DNMT1: variants seen among roughly 807,000 people sequenced by gnomAD.
DNMT1 encodes DNA methyltransferase 1, also known as DNA (cytosine-5)-methyltransferase 1.
In DNMT1, 24 loss-of-function variants were observed where a neutral mutation model predicts 205.3. The observed-to-expected ratio is 0.12, with a 90% CI of 0.08 to 0.16. The LOEUF is 0.16. DNMT1 is among the 10% of genes least tolerant of loss of function. DNMT1 has a pLI of 1.00. For missense variants in DNMT1, 1,293 were observed against 2,177.7 expected (o/e 0.59, Z 8.09); for synonymous variants, 817 against 839.8 (o/e 0.97, Z 0.47).
At position 10,138,396 on chromosome 19, in the gene DNMT1, G is replaced by A. The variant is rs751166097; in HGVS notation, c.4115+43C>T. 1 of 1,613,236 alleles carries A rather than the reference G, an allele frequency of 6.2e-7. No homozygotes were observed. Among genetic ancestry groups the A allele is most frequent in the East Asian group, 2.2e-5 (1 of 44,888 alleles). On this transcript the variant is annotated intron_variant, in intron 35 of 40. Coordinates refer to ENST00000359526, the MANE Select transcript of DNMT1 (RefSeq NM_001130823.3). This position sits in a 1 kb window ranked among gnomAD's most constrained non-coding sequence, Gnocchi z 4.1. ...ACTCACGGGCCCCATGAGCTACTGA[G>A]GCCTGCTCGGCAGTGTGTGGAGGAG...
chr19:10,164,764 C>A (rs1388512068), intron 11 of DNMT1, among the ~76,000 whole-genome samples: 1 of 151,208 alleles, frequency 6.6e-6, no homozygotes, highest in Non-Finnish European at 1.5e-5. Flanking sequence ...CCTGTCTCTA[C>A]TAAAAATATA....
At chr19:10,169,430 G>A (rs1010974657) in intron 9 of DNMT1, among the ~76,000 whole-genome samples, 1 of 151,082 alleles carries the variant, frequency 6.6e-6, no homozygotes, top group African/African-American at 2.4e-5. Context: ...GTTGGCGGGC[G>A]CCTGCAGTCC....
Position 10,173,876 on chromosome 19 carries a change from T to C in DNMT1, c.678A>G (p.Arg226=), listed in dbSNP as rs2038878075. The C allele has an allele frequency of 6.2e-7, 1 of 1,613,818 alleles. No individual in the cohort carries two copies. The highest frequency in any genetic ancestry group is 1.7e-5 in the Admixed American group (1 of 59,980). The change falls in exon 8 of 41, where the codon AGA becomes AGG. Residue 226 remains arginine, a synonymous_variant. Transcript: ENST00000359526. ...QDEKRRRVTS[R]ERVARPLPAE... is the part of the protein sequence containing the mutation. Reference sequence around the variant, plus strand: ...GGTATAGTAACTATTCTTACCGTTCTCTGGATGTAACTCTACGTCTCTTCT... The same window carrying C: ...GGTATAGTAACTATTCTTACCGTTCCCTGGATGTAACTCTACGTCTCTTCT...
rs917071242 is a variant in DNMT1, at chr19:10,194,920, C to A, written c.-21G>T. The A allele has an allele frequency of 2.5e-6, 4 of 1,596,886 alleles. No homozygotes were observed. Among genetic ancestry groups the A allele is most frequent in the Non-Finnish European group, 3.4e-6 (4 of 1,171,478 alleles). ...GGCATCTCGGAGGCTTCAGCAGACG[C>A]GGCGGCGGCAGCGCAGGCGCCCCGG... On this transcript the variant is annotated 5_prime_UTR_variant, in exon 1 of 41. Transcript: ENST00000359526.
intron 1 of DNMT1, among the ~76,000 whole-genome samples, chr19:10,193,956 G>A (rs771494050): frequency 5.9e-5 from 9 of 152,184 alleles, no homozygotes; most frequent in Non-Finnish European, 1.2e-4. Flanking sequence ...GTGCACGGAA[G>A]TTGGACAGAG....
intron 27 of DNMT1, among the ~76,000 whole-genome samples, chr19:10,148,508 A>G (rs2145290138): frequency 1.3e-5 from 2 of 151,592 alleles, no homozygotes; most frequent in Admixed American, 6.6e-5. Flanking sequence ...AAAAAAAAAA[A>G]GAAAAAAAAA....
At position 10,151,554 on chromosome 19, in the gene DNMT1, T is replaced by C; in HGVS notation, c.2118-9A>G. On this transcript the variant is annotated splice_polypyrimidine_tract_variant and intron_variant, in intron 23 of 40. Transcript: ENST00000359526. This position sits in a 1 kb window ranked among gnomAD's most constrained non-coding sequence, Gnocchi z 5.0. Reference sequence around the variant, plus strand: ...TGGCCATATTGGGACACCTGCAATGTCACTGGTTATACCTAAGGCCCCTTT... The same window carrying C: ...TGGCCATATTGGGACACCTGCAATGCCACTGGTTATACCTAAGGCCCCTTT... The C allele has an allele frequency of 6.2e-7, 1 of 1,613,512 alleles. No individual in the cohort carries two copies. Among genetic ancestry groups the C allele is most frequent in the Non-Finnish European group, 8.5e-7 (1 of 1,180,042 alleles).
At chr19:10,188,855 C>T (rs2039245615) in intron 1 of DNMT1, among the ~76,000 whole-genome samples, 3 of 152,162 alleles carry the variant, frequency 2.0e-5, no homozygotes, top group Admixed American at 1.3e-4. Flanking sequence ...AAGCGGGCAA[C>T]GACCCTCAGT....
At chr19:10,172,149 C>G (rs2038832679) in intron 9 of DNMT1, among the ~76,000 whole-genome samples, 1 of 152,110 alleles carries the variant, frequency 6.6e-6, no homozygotes, top group South Asian at 2.1e-4. Context: ...GGTGTGGTGG[C>G]TCACGCCTAT....
rs536278713 is a variant in DNMT1, at chr19:10,144,177, A to C, written c.2895-190T>G. The C allele has an allele frequency of 2.2e-5, 14 of 643,736 alleles. No individual in the cohort carries two copies. In the Admixed American group the frequency reaches 2.5e-4, roughly 12 times the overall value. 39.9% of individuals were successfully genotyped at this position (643,736 alleles called of 1,614,324 possible). On this transcript the variant is annotated intron_variant, in intron 28 of 40. Transcript: ENST00000359526. ...GTAATCCCAGCACTTTGGGAGACCA[A>C]GGCAGGTGGACCACAAGGTCAGAAG...
At chr19:10,183,081 G>GTGTA (rs1555696056) in intron 1 of DNMT1, among the ~76,000 whole-genome samples, 2 of 139,936 alleles carry the variant, frequency 1.4e-5, no homozygotes, top group African/African-American at 5.7e-5. Context: ...ATATGTGTGT[G>GTGTA]TATATATATA....
chr19:10,149,086 G>A, intron 26 of DNMT1, 69 bp from the exon 27 acceptor site: 1 of 1,590,476 alleles, frequency 6.3e-7, no homozygotes, highest in Admixed American at 1.8e-5. Context: ...CACTATGGGA[G>A]GCCGAGGCGG....
chr19:10,188,849 G>A (rs948162961), intron 1 of DNMT1, among the ~76,000 whole-genome samples: 4 of 152,110 alleles, frequency 2.6e-5, no homozygotes, highest in African/African-American at 9.7e-5. Flanking sequence ...CTCCAGAAGC[G>A]GGCAACGACC....
chr19:10,191,623 G>T (rs1297230803), intron 1 of DNMT1, among the ~76,000 whole-genome samples: 2 of 152,108 alleles, frequency 1.3e-5, no homozygotes. Flanking sequence ...GAAGGGAAAG[G>T]CTTTGGCAAG....
intron 8 of DNMT1, 109 bp downstream of exon 8, chr19:10,173,762 G>T: frequency 8.1e-7 from 1 of 1,231,138 alleles, no homozygotes; most frequent in Non-Finnish European, 1.2e-6. Context: ...AAAGTGCTGA[G>T]ATTACAGGCA....
intron 37 of DNMT1, among the ~76,000 whole-genome samples, chr19:10,136,825 C>T (rs2089492100): frequency 6.6e-6 from 1 of 151,850 alleles, no homozygotes; most frequent in African/African-American, 2.4e-5. Context: ...ATGGCACAAT[C>T]ACAGCTCACT....
chr19:10,141,723 G>A (rs1333431563), intron 30 of DNMT1: 2 of 402,642 alleles, frequency 5.0e-6, no homozygotes, highest in East Asian at 5.0e-5. Flanking sequence ...GGTGGAAGCT[G>A]CCTCATGGTC....
At chr19:10,143,146 G>A (rs1343127655) in intron 29 of DNMT1, among the ~76,000 whole-genome samples, 1 of 152,226 alleles carries the variant, frequency 6.6e-6, no homozygotes, top group African/African-American at 2.4e-5. Flanking sequence ...GGGAAGAGGT[G>A]GGGACAGCGG....
Position 10,168,424 on chromosome 19 carries a change from A to C in DNMT1, c.769-60T>G. 7 of 1,560,680 alleles carry C rather than the reference A, an allele frequency of 4.5e-6. No individual in the cohort carries two copies. In the South Asian group the frequency reaches 6.7e-5, roughly 15 times the overall value. ...TCCATTTGGTTTGGATCTTTCTATT[A>C]AAGTGTCCTATGGAAATAAAACACC... On this transcript the variant is annotated intron_variant, in intron 9 of 40. Transcript: ENST00000359526.
Sources: gnomAD v4.1 joint callset for allele counts (sites outside exome capture counted in the v4.1 genomes callset) on GRCh38, gnomAD v4.1.1 for gene constraint, Gnocchi (gnomAD v3.1) non-coding constraint, MANE v1.5 for transcripts, NCBI Gene and HGNC (gene_info 2026-07-23, HGNC 2026-07-21) for gene names.